The following KLK4 variants were observed in gnomAD, a reference collection of about 807,000 sequenced individuals.
The protein encoded by KLK4 is kallikrein-4.
Under a neutral mutation model 24.3 loss-of-function variants are expected in KLK4, and 24 were observed. The observed-to-expected ratio is 0.99, with a 90% CI of 0.72 to 1.39. The LOEUF is 1.39. KLK4 is among the 40% of genes most tolerant of loss of function. KLK4 has a pLI of 0.00. For synonymous variants in KLK4, 142 were observed against 138.8 expected (o/e 1.02, Z -0.16); for missense variants, 344 against 327.4 (o/e 1.05, Z -0.39).
chr19:50,908,364 A>G (rs186866149), exon 5 of KLK4: 9 of 1,612,934 alleles, frequency 5.6e-6, no homozygotes, highest in African/African-American at 1.3e-5. Flanking sequence ...CTCACGTTGC[A>G]GGAGTCCTTC....
chr19:50,908,334 T>C (rs1183134091), intron 5 of KLK4, 25 bp downstream of exon 5: 2 of 1,611,062 alleles, frequency 1.2e-6, no homozygotes, highest in South Asian at 2.2e-5. Context: ...CTGAGTCGCC[T>C]GCCCTCCCCT....
chr19:50,906,813 A>T, exon 6 of KLK4: 1 of 1,096,460 alleles, frequency 9.1e-7, no homozygotes, highest in African/African-American at 2.9e-5. Flanking sequence ...GGTTTGAGGG[A>T]GGAGGGGCTG....
Position 50,910,041 on chromosome 19 carries a change from G to A in KLK4, c.62-627C>T, listed in dbSNP as rs891312335. Among the ~76,000 whole-genome samples, 1 of 152,066 alleles carries A rather than the reference G, an allele frequency of 6.6e-6. No individual in the cohort carries two copies. The highest frequency in any genetic ancestry group is 1.5e-5 in the Non-Finnish European group (1 of 67,982). Reference sequence around the variant, plus strand: ...TCGCGGTGCAAAGCCACGGTCAGGAGGGGTTCAACAGAGGAGTCTAGGCTC... The same window carrying A: ...TCGCGGTGCAAAGCCACGGTCAGGAAGGGTTCAACAGAGGAGTCTAGGCTC... On this transcript the variant is annotated intron_variant, in intron 2 of 5. Transcript: ENST00000324041. The surrounding 1 kb of genome is among the most constrained non-coding windows in gnomAD (Gnocchi z 4.4).
exon 5 of KLK4, chr19:50,908,384 C>T (rs1254914731): frequency 3.1e-6 from 5 of 1,613,794 alleles, no homozygotes; most frequent in Non-Finnish European, 4.2e-6. Context: ...CTGGTCTTGC[C>T]CTCCGCCGGC....
rs921405413 is a variant in KLK4 at position 50,910,688 on chromosome 19, A to G, written c.51T>C (p.Leu17=). The stretch of plus-strand genomic sequence containing the variant: ...CGCATACTCAGATACCTGCGACACC[A>G]AGGATGAGGTACCCCAGGAACCAGC... The change falls in exon 2 of 6, where the codon CTT becomes CTC. Residue 17 remains leucine, a synonymous_variant. Transcript: ENST00000324041. This position sits in a 1 kb window ranked among gnomAD's most constrained non-coding sequence, Gnocchi z 4.4. 1.9e-6 allele frequency: 3 copies of G among 1,555,414 alleles called. No individual in the cohort carries two copies. The highest frequency in any genetic ancestry group is 2.7e-5 in the African/African-American group (2 of 73,316).
Position 50,910,799 on chromosome 19 carries a change from GTC to G in KLK4, c.-11-52_-11-51del, listed in dbSNP as rs2090482242. 2 of 1,446,856 alleles carry G rather than the reference GTC, an allele frequency of 1.4e-6. No individual in the cohort carries two copies. The highest frequency in any genetic ancestry group is 1.9e-6 in the Non-Finnish European group (2 of 1,051,756). 89.6% of individuals were successfully genotyped at this position (1,446,856 alleles called of 1,614,324 possible). A position where few individuals can be genotyped will look rare whatever the true frequency, so the allele number is the denominator to read the frequency against. ...CCGTGTCTGGGGATCTTCAGCCCAA[GTC>G]TCTCCATCCCTCTCTTTGTCCCTCC... On this transcript the variant is annotated intron_variant, in intron 1 of 5. Transcript: ENST00000324041. The surrounding 1 kb of genome is among the most constrained non-coding windows in gnomAD (Gnocchi z 4.4).
exon 3 of KLK4, chr19:50,909,280 C>A: frequency 6.2e-7 from 1 of 1,614,206 alleles, no homozygotes. Context: ...GCTGACAGCA[C>A]CCACTGCGGA....
Position 50,908,793 on chromosome 19 carries a change from CT to C in KLK4, c.260del (p.Glu87GlyfsTer82). 1.2e-6 allele frequency: 2 copies of C among 1,613,586 alleles called. No individual in the cohort carries two copies. The highest frequency in any genetic ancestry group is 1.7e-6 in the Non-Finnish European group (2 of 1,179,998). The stretch of plus-strand genomic sequence containing the variant: ...TCTGGCTCCCTGGCTCTTGGTCGGC[CT>C]CAAGACTGTGCAGGCCCAGCCCGAT... On this transcript the variant is annotated frameshift_variant, in exon 4 of 6. Coordinates refer to ENST00000324041, the Ensembl canonical transcript of KLK4. LOFTEE classifies it high-confidence loss of function.
chr19:50,906,963 A>G (rs1364438920), exon 6 of KLK4: 1 of 1,614,110 alleles, frequency 6.2e-7, no homozygotes. Context: ...TTCTCTATCC[A>G]CTCAGTGAAT....
Position 50,909,236 on chromosome 19 carries a change from C to T in KLK4, c.224+16G>A. 2.5e-6 allele frequency: 4 copies of T among 1,614,134 alleles called. No homozygotes were observed. The highest frequency in any genetic ancestry group is 2.2e-5 in the South Asian group (2 of 91,072). ...CGGACCCAGGCCCTGCCCACTCCCC[C>T]TACCTCTGCACTCACTTCTGGAAAC... On this transcript the variant is annotated intron_variant, in intron 3 of 5. Coordinates refer to ENST00000324041, the Ensembl canonical transcript of KLK4.
chr19:50,908,507 A>C lies in KLK4; in HGVS notation c.476-12T>G. On this transcript the variant is annotated splice_polypyrimidine_tract_variant and intron_variant, in intron 4 of 5. Coordinates refer to ENST00000324041, the Ensembl canonical transcript of KLK4. ...GGTAGGCATTCTGCCTGGGACGCAGAGCTCTGGGTCAGCCCCCGCGACTGG... is the reference window on the plus strand; with the variant it reads ...GGTAGGCATTCTGCCTGGGACGCAGCGCTCTGGGTCAGCCCCCGCGACTGG... 2 of 1,614,176 alleles carry C rather than the reference A, an allele frequency of 1.2e-6. No individual in the cohort carries two copies. The highest frequency in any genetic ancestry group is 4.5e-5 in the East Asian group (2 of 44,884).
At chr19:50,908,249 C>G (rs2123512122) in intron 5 of KLK4, 110 bp downstream of exon 5, 2 of 1,275,220 alleles carry the variant, frequency 1.6e-6, no homozygotes, top group Non-Finnish European at 2.3e-6. Context: ...GTCACTGTCT[C>G]CCTGTGTGTC....
At chr19:50,908,525 G>T (rs542046361) in intron 4 of KLK4, 30 bp from the exon 5 acceptor site, 1 of 1,614,170 alleles carries the variant, frequency 6.2e-7, no homozygotes, top group East Asian at 2.2e-5. Flanking sequence ...GTCAGCCCCC[G>T]CGACTGGGCA....
intron 3 of KLK4, 43 bp downstream of exon 3, chr19:50,909,209 C>T: frequency 6.2e-7 from 1 of 1,613,916 alleles, no homozygotes; most frequent in Non-Finnish European, 8.5e-7. Context: ...AGGCCCCGCC[C>T]CCGGACCCAG....
chr19:50,906,625 GAC>G, exon 6 of KLK4: 1 of 245,782 alleles, frequency 4.1e-6, no homozygotes, highest in Non-Finnish European at 7.7e-6. Flanking sequence ...GGGGGGTCTG[GAC>G]TCCTGGGTCT....
intron 2 of KLK4, among the ~76,000 whole-genome samples, chr19:50,909,952 G>A (rs939411932): frequency 3.3e-5 from 5 of 151,612 alleles, no homozygotes; most frequent in African/African-American, 1.2e-4. Flanking sequence ...TCAGAAGGTG[G>A]GACCAGGGCT....
chr19:50,907,460 A>T (rs1600044080), intron 5 of KLK4, among the ~76,000 whole-genome samples: 2 of 141,248 alleles, frequency 1.4e-5, no homozygotes, highest in Non-Finnish European at 3.0e-5. Context: ...CAGCTGGAGT[A>T]TAGTGGTGTG....
exon 5 of KLK4, chr19:50,908,457 C>G (rs1452099966): frequency 6.2e-7 from 1 of 1,614,192 alleles, no homozygotes; most frequent in East Asian, 2.2e-5. Context: ...TCAGACACCA[C>G]CGACACGTTC....
chr19:50,908,524 C>T (rs373865620), intron 4 of KLK4, 29 bp from the exon 5 acceptor site: 4 of 1,614,072 alleles, frequency 2.5e-6, no homozygotes, highest in Admixed American at 3.3e-5. Flanking sequence ...GGTCAGCCCC[C>T]GCGACTGGGC....
Sources: allele counts gnomAD v4.1 joint callset (sites outside exome capture counted in the v4.1 genomes callset), GRCh38; gene constraint gnomAD v4.1.1; non-coding constraint Gnocchi (gnomAD v3.1); transcripts MANE v1.5; gene names NCBI Gene and HGNC (gene_info 2026-07-23, HGNC 2026-07-21).